Variants in MAP3K7CL observed in about 807,000 individuals in gnomAD.
MAP3K7CL encodes MAP3K7 C-terminal-like protein.
In MAP3K7CL, 16 loss-of-function variants were observed where a neutral mutation model predicts 18.6. The ratio of observed to expected loss-of-function variants is 0.86; its 90% CI spans 0.58 to 1.31. MAP3K7CL has a LOEUF of 1.31. Ranked by LOEUF, MAP3K7CL falls within the 50% of genes most tolerant of loss-of-function variation. MAP3K7CL has a pLI of 0.00. For synonymous variants in MAP3K7CL, 65 were observed against 66.8 expected, an observed-to-expected ratio of 0.97 and a Z score of 0.13; for missense variants, 163 against 174.4, an observed-to-expected ratio of 0.93 and a Z score of 0.37.
chr21:29,109,224 G>A, intron 4 of MAP3K7CL: 1 of 1,535,204 alleles, frequency 6.5e-7, no homozygotes, highest in South Asian at 1.2e-5. Context: ...TAAGTGCTAT[G>A]AGCTCCGAGG....
At chr21:29,077,543 G>C (rs2085768904), upstream of MAP3K7CL, 2 of 156,288 alleles carry the variant, frequency 1.3e-5, no homozygotes, top group South Asian at 2.0e-4. Context: ...CTCCGGCCTC[G>C]GCCAGCCCAG....
At chr21:29,092,510 C>T in exon 4 of MAP3K7CL, 1 of 1,614,230 alleles carries the variant, frequency 6.2e-7, no homozygotes, top group Non-Finnish European at 8.5e-7. Context: ...AAGTTGGCTA[C>T]TGGCGATTGG....
At chr21:29,100,265 G>A (rs986764715) in intron 4 of MAP3K7CL, among the ~76,000 whole-genome samples, 10 of 152,108 alleles carry the variant, frequency 6.6e-5, no homozygotes, top group Admixed American at 6.5e-4. Flanking sequence ...TCAAACCCTT[G>A]TTTCCCCACT....
At chr21:29,129,222 CTG>C (rs1332348595), upstream of MAP3K7CL, among the ~76,000 whole-genome samples, 2 of 152,202 alleles carry the variant, frequency 1.3e-5, no homozygotes, top group African/African-American at 4.8e-5. Flanking sequence ...AGGGTTCACT[CTG>C]TGTTGTACAT....
chr21:29,122,619 T>C (rs2086613766), intron 4 of MAP3K7CL, among the ~76,000 whole-genome samples: 1 of 152,132 alleles, frequency 6.6e-6, no homozygotes, highest in South Asian at 2.1e-4. Flanking sequence ...GCCGTCCCTC[T>C]TAAGTTAAGC....
intron 4 of MAP3K7CL, among the ~76,000 whole-genome samples, chr21:29,095,540 A>G (rs776915275): frequency 4.6e-5 from 7 of 152,190 alleles, no homozygotes; most frequent in Non-Finnish European, 7.3e-5. Context: ...GGCTCATTGA[A>G]TTAATTGACC....
At chr21:29,111,804 C>T (rs2086424533) in intron 4 of MAP3K7CL, among the ~76,000 whole-genome samples, 1 of 152,308 alleles carries the variant, frequency 6.6e-6, no homozygotes, top group African/African-American at 2.4e-5. Context: ...CCAGAGGCAC[C>T]TAGTGCCTCC....
chr21:29,130,172 G>A (rs997217279), upstream of MAP3K7CL, among the ~76,000 whole-genome samples: 1 of 152,108 alleles, frequency 6.6e-6, no homozygotes, highest in African/African-American at 2.4e-5. Flanking sequence ...TATTTTTTAA[G>A]TACCAATGAC....
intron 4 of MAP3K7CL, among the ~76,000 whole-genome samples, chr21:29,172,241 CTTTTTTT>C (rs35612617): frequency 1.6e-5 from 2 of 126,250 alleles, no homozygotes; most frequent in Admixed American, 1.7e-4. Context: ...TTGTCATTTT[CTTTTTTT>C]TTTTTTTTTT....
chr21:29,109,777 T>C (rs2086387673), intron 4 of MAP3K7CL: 3 of 985,428 alleles, frequency 3.0e-6, no homozygotes, highest in Admixed American at 6.1e-5. Flanking sequence ...TCTAATAAAG[T>C]GTCTTTTACT....
chr21:29,174,629 C>A, intron 4 of MAP3K7CL, 83 bp from the exon 5 acceptor site: 1 of 1,477,190 alleles, frequency 6.8e-7, no homozygotes, highest in South Asian at 1.3e-5. Context: ...AATCATTCTA[C>A]TTCCATCATG....
At chr21:29,093,782 C>T (rs1025377591) in intron 4 of MAP3K7CL, among the ~76,000 whole-genome samples, 16 of 152,104 alleles carry the variant, frequency 1.1e-4, no homozygotes, top group South Asian at 1.0e-3. Context: ...TGAGCCACCG[C>T]GCCCGGCCGA....
intron 3 of MAP3K7CL, chr21:29,091,813 C>T: frequency 1.4e-6 from 1 of 694,216 alleles, no homozygotes; most frequent in East Asian, 2.7e-5. Flanking sequence ...GATAGTAACT[C>T]CCATCTGCTG....
intron 2 of MAP3K7CL, among the ~76,000 whole-genome samples, chr21:29,137,728 G>A (rs2086916633): frequency 6.6e-6 from 1 of 152,076 alleles, no homozygotes; most frequent in African/African-American, 2.4e-5. Flanking sequence ...AGCCCTGCTT[G>A]AGTCAGCCAT....
intron 2 of MAP3K7CL, among the ~76,000 whole-genome samples, chr21:29,137,940 G>A (rs1366643084): frequency 1.3e-5 from 2 of 152,162 alleles, no homozygotes; most frequent in Non-Finnish European, 2.9e-5. Context: ...GAATGGAAGA[G>A]GCATTTTATA....
intron 3 of MAP3K7CL, among the ~76,000 whole-genome samples, chr21:29,159,468 A>C (rs918695671): frequency 4.6e-5 from 7 of 152,182 alleles, no homozygotes; most frequent in African/African-American, 1.7e-4. Flanking sequence ...TGCATTTCTC[A>C]GAAGAGAGCT....
chr21:29,145,746 G>A (rs545687459), intron 2 of MAP3K7CL: 9 of 152,242 alleles, frequency 5.9e-5, no homozygotes, highest in Admixed American at 3.9e-4. Flanking sequence ...TCTTGTTTCC[G>A]CTGCTATTTC....
At chr21:29,109,642 T>G (rs2086385143) in intron 4 of MAP3K7CL, 1 of 990,606 alleles carries the variant, frequency 1.0e-6, no homozygotes, top group South Asian at 4.6e-5. Context: ...TAATGATGAA[T>G]GTCTATAAGT....
chr21:29,127,098 A>G (rs1380819155), upstream of MAP3K7CL, among the ~76,000 whole-genome samples: 1 of 152,202 alleles, frequency 6.6e-6, no homozygotes, highest in Non-Finnish European at 1.5e-5. Flanking sequence ...CTAGCCTGGA[A>G]CATACCAAGC....
Sources: gnomAD v4.1 joint callset for allele counts (sites outside exome capture counted in the v4.1 genomes callset) on GRCh38, gnomAD v4.1.1 for gene constraint, MANE v1.5 for transcripts, NCBI Gene and HGNC (gene_info 2026-07-23, HGNC 2026-07-21) for gene names.